The following RGS7 variants were observed in gnomAD, a reference collection of about 807,000 sequenced individuals.
The protein encoded by RGS7 is regulator of G-protein signaling 7.
Under a neutral mutation model 81.1 loss-of-function variants are expected in RGS7, and 27 were observed. The observed-to-expected ratio is 0.33, with a 90% CI of 0.25 to 0.46. The LOEUF (loss-of-function observed/expected upper bound fraction) is 0.46, where lower values mean the gene tolerates loss of function less well. RGS7 is among the 20% of genes least tolerant of loss of function. The pLI, the probability that RGS7 is intolerant of heterozygous loss-of-function variation, is 1.00. For missense variants in RGS7, 396 were observed against 607.4 expected (o/e 0.65, Z 3.66); for synonymous variants, 208 against 207.7 (o/e 1.00, Z -0.01).
chr1:241,298,595 G>A (rs944232353), intron 2 of RGS7, among the ~76,000 whole-genome samples: 2 of 152,052 alleles, frequency 1.3e-5, no homozygotes, highest in African/African-American at 4.8e-5. Context: ...CTGTACCCTC[G>A]GGTATGATTA....
At chr1:241,069,567 G>C (rs182450441) in intron 3 of RGS7, among the ~76,000 whole-genome samples, 118 of 152,194 alleles carry the variant, frequency 7.8e-4, no homozygotes, top group African/African-American at 2.8e-3. Context: ...AATTTCCTTG[G>C]GGAGGGTGGA....
chr1:241,326,340 A>G (rs960205050), intron 2 of RGS7, among the ~76,000 whole-genome samples: 20 of 152,278 alleles, frequency 1.3e-4, no homozygotes, highest in Middle Eastern at 3.4e-3. Context: ...ACCATAGGCT[A>G]CCTTCTTGCT....
intron 2 of RGS7, among the ~76,000 whole-genome samples, chr1:241,229,563 T>G (rs2075528555): frequency 6.6e-6 from 1 of 152,228 alleles, no homozygotes; most frequent in Non-Finnish European, 1.5e-5. Flanking sequence ...CTAATTGAGC[T>G]GCTCTAAATA....
intron 2 of RGS7, among the ~76,000 whole-genome samples, chr1:241,133,235 A>T (rs559866200): frequency 6.6e-6 from 1 of 152,270 alleles, no homozygotes; most frequent in Non-Finnish European, 1.5e-5. Flanking sequence ...CCATTTTTAC[A>T]TAAAATTGAA....
chr1:241,324,097 T>A (rs2081357604), intron 2 of RGS7, among the ~76,000 whole-genome samples: 1 of 152,192 alleles, frequency 6.6e-6, no homozygotes, highest in Admixed American at 6.5e-5. Context: ...CACAGACGGC[T>A]CCAATGTTAG....
At chr1:240,870,441 T>C (rs1033485491) in intron 6 of RGS7, among the ~76,000 whole-genome samples, 30 of 152,046 alleles carry the variant, frequency 2.0e-4, no homozygotes, top group Non-Finnish European at 1.9e-4. Context: ...CTAGGCTCAA[T>C]TGATCCTTTC....
chr1:241,300,384 C>T (rs1206737928), intron 2 of RGS7, among the ~76,000 whole-genome samples: 1 of 152,088 alleles, frequency 6.6e-6, no homozygotes, highest in Non-Finnish European at 1.5e-5. Context: ...ATTAGGGTAT[C>T]AAATATCAAA....
At position 241,285,015 on chromosome 1, in the gene RGS7, C is replaced by T. The variant is rs182547696; in HGVS notation, c.78+70684G>A. Among the ~76,000 whole-genome samples, 288 of 152,150 alleles carry T rather than the reference C, an allele frequency of 1.9e-3. 2 individuals are homozygous for T. Among genetic ancestry groups the T allele is most frequent in the African/African-American group, 6.6e-3 (275 of 41,514 alleles). Reference sequence around the variant, plus strand: ...CCTCCCAAGTAGCTGAGACTACAGGCACCCACCACAATGCCCAGCTAATTT... The same window carrying T: ...CCTCCCAAGTAGCTGAGACTACAGGTACCCACCACAATGCCCAGCTAATTT... On this transcript the variant is annotated intron_variant, in intron 2 of 18. Coordinates refer to ENST00000440928, the MANE Select transcript of RGS7 (RefSeq NM_001364886.1).
intron 2 of RGS7, among the ~76,000 whole-genome samples, chr1:241,162,220 C>A (rs546370167): frequency 2.5e-5 from 3 of 118,830 alleles, no homozygotes; most frequent in Admixed American, 8.1e-5. Flanking sequence ...AACTGGTGAT[C>A]AGCTTCCAAA....
At chr1:240,903,850 T>C (rs1670401740) in intron 6 of RGS7, among the ~76,000 whole-genome samples, 1 of 152,192 alleles carries the variant, frequency 6.6e-6, no homozygotes, top group Non-Finnish European at 1.5e-5. Context: ...GCTTCCTCTC[T>C]TGCAATGTGA....
chr1:241,199,664 C>T (rs2073350960), intron 2 of RGS7, among the ~76,000 whole-genome samples: 1 of 134,228 alleles, frequency 7.5e-6, no homozygotes, highest in African/African-American at 2.9e-5. Context: ...TCTTCCCTTT[C>T]AAAATAAGCT....
At chr1:241,015,257 A>G (rs2059161998) in intron 3 of RGS7, among the ~76,000 whole-genome samples, 1 of 152,182 alleles carries the variant, frequency 6.6e-6, no homozygotes, top group South Asian at 2.1e-4. Flanking sequence ...CGAAATTTCA[A>G]GTTTCATTAT....
intron 2 of RGS7, among the ~76,000 whole-genome samples, chr1:241,226,263 G>T (rs916050099): frequency 1.3e-5 from 2 of 152,196 alleles, no homozygotes; most frequent in Non-Finnish European, 2.9e-5. Flanking sequence ...AATATTAAAT[G>T]CTTTTCCAAA....
chr1:240,994,256 G>GT (rs1686944607), intron 3 of RGS7, among the ~76,000 whole-genome samples: 2 of 152,104 alleles, frequency 1.3e-5, no homozygotes, highest in African/African-American at 2.4e-5. Context: ...TTAAACTTGT[G>GT]TATCAATTTG....
intron 2 of RGS7, among the ~76,000 whole-genome samples, chr1:241,191,370 G>A (rs1270780007): frequency 6.6e-6 from 1 of 152,094 alleles, no homozygotes; most frequent in Non-Finnish European, 1.5e-5. Flanking sequence ...ATATGATCAT[G>A]TGAGCCTTTT....
intron 2 of RGS7, among the ~76,000 whole-genome samples, chr1:241,315,104 C>CT (rs2080788834): frequency 2.3e-4 from 8 of 34,152 alleles, no homozygotes; most frequent in African/African-American, 8.3e-4. Flanking sequence ...TTTTCTTCTT[C>CT]TTCTTTTTTT....
intron 2 of RGS7, among the ~76,000 whole-genome samples, chr1:241,316,716 TTTTC>T (rs2080900712): frequency 6.6e-6 from 1 of 152,132 alleles, no homozygotes; most frequent in Non-Finnish European, 1.5e-5. Context: ...TGGCCTGTAG[TTTTC>T]TTTTTTTGTT....
intron 3 of RGS7, among the ~76,000 whole-genome samples, chr1:241,080,501 T>G (rs2063072453): frequency 6.6e-6 from 1 of 152,196 alleles, no homozygotes; most frequent in Non-Finnish European, 1.5e-5. Flanking sequence ...AGAAAATGTC[T>G]AAATCTGGGC....
At chr1:240,905,755 G>A (rs1670716908) in intron 6 of RGS7, among the ~76,000 whole-genome samples, 1 of 152,258 alleles carries the variant, frequency 6.6e-6, no homozygotes, top group African/African-American at 2.4e-5. Flanking sequence ...TCATGCTGGA[G>A]CTACGCTGAA....
Sources: allele counts gnomAD v4.1 joint callset (sites outside exome capture counted in the v4.1 genomes callset), GRCh38; gene constraint gnomAD v4.1.1; transcripts MANE v1.5; gene names NCBI Gene and HGNC (gene_info 2026-07-23, HGNC 2026-07-21).